The following ACYP2 variants were observed in gnomAD, a reference collection of about 807,000 sequenced individuals.
ACYP2 encodes acylphosphatase 2.
ACYP2 carries 12 observed loss-of-function variants against 11.2 expected under a neutral mutation model. That is an observed-to-expected ratio of 1.08 (90% CI 0.69 to 1.74). ACYP2 has a LOEUF of 1.74. Among genes scored for constraint, ACYP2 ranks in the 40% most tolerant of loss-of-function variants. ACYP2 has a pLI of 0.00. For missense variants in ACYP2, 134 were observed against 101.9 expected (o/e 1.31, Z -1.35); for synonymous variants, 43 against 32.2 (o/e 1.33, Z -1.13).
chr2:54,214,013 G>A (rs1308741562), intron 6 of ACYP2, among the ~76,000 whole-genome samples: 1 of 152,040 alleles, frequency 6.6e-6, no homozygotes, highest in Admixed American at 6.6e-5. Context: ...TACCACCTCA[G>A]CCTCCTGAAG....
At chr2:54,133,478 A>G (rs943642339) in intron 4 of ACYP2, among the ~76,000 whole-genome samples, 1 of 152,130 alleles carries the variant, frequency 6.6e-6, no homozygotes, top group Non-Finnish European at 1.5e-5. Flanking sequence ...CAAATTTACC[A>G]TGTGTTCTAG....
At chr2:54,129,934 A>C (rs1680801152) in intron 4 of ACYP2, among the ~76,000 whole-genome samples, 2 of 148,936 alleles carry the variant, frequency 1.3e-5, no homozygotes, top group South Asian at 4.2e-4. Context: ...GATATATAAA[A>C]ATTTATATGA....
At chr2:54,296,899 A>G (rs1459316940) in intron 6 of ACYP2, among the ~76,000 whole-genome samples, 1 of 152,200 alleles carries the variant, frequency 6.6e-6, no homozygotes, top group East Asian at 1.9e-4. Context: ...CTTCTTAAAT[A>G]GAAATACCTG....
chr2:54,012,090 G>C (rs910245808), intron 2 of ACYP2, among the ~76,000 whole-genome samples: 1 of 152,108 alleles, frequency 6.6e-6, no homozygotes, highest in African/African-American at 2.4e-5. Context: ...ACAAAAATTA[G>C]CCAGGCGTGG....
chr2:54,260,991 C>T (rs1253813904), intron 6 of ACYP2, among the ~76,000 whole-genome samples: 6 of 152,080 alleles, frequency 3.9e-5, no homozygotes, highest in African/African-American at 9.7e-5. Context: ...ATTCTAGGGC[C>T]AAGGTATATC....
At chr2:54,066,249 G>A (rs1332662427) in intron 4 of ACYP2, among the ~76,000 whole-genome samples, 1 of 152,112 alleles carries the variant, frequency 6.6e-6, no homozygotes, top group Non-Finnish European at 1.5e-5. Context: ...GTGATCTGAT[G>A]GTTTAGAAGT....
intron 6 of ACYP2, among the ~76,000 whole-genome samples, chr2:54,153,822 A>G (rs111810418): frequency 7.9e-5 from 12 of 151,980 alleles, no homozygotes; most frequent in African/African-American, 2.9e-4. Flanking sequence ...GAATGGTCTC[A>G]ATCTCCTGAC....
At chr2:54,095,489 A>T (rs1678485696) in intron 4 of ACYP2, among the ~76,000 whole-genome samples, 1 of 149,536 alleles carries the variant, frequency 6.7e-6, no homozygotes, top group Non-Finnish European at 1.5e-5. Flanking sequence ...CACCTCCCGG[A>T]CGGGGCGGCT....
chr2:54,218,742 G>GT (rs1685663032), intron 6 of ACYP2, among the ~76,000 whole-genome samples: 1 of 152,108 alleles, frequency 6.6e-6, no homozygotes, highest in Non-Finnish European at 1.5e-5. Context: ...TCCTTAACAT[G>GT]TAGCTTTTGT....
rs1178182724 is a variant in ACYP2, at chr2:54,072,850, G to A, written c.277+15490G>A. 2.6e-5 allele frequency among the ~76,000 whole-genome samples: 4 copies of A among 152,018 alleles called. No individual in the cohort carries two copies. In the East Asian group the frequency reaches 7.7e-4, roughly 29 times the overall value. ...AGTGCTAGGATTACAGACGTGAGCT[G>A]CCAAGCCCAGCCCCCAGCTACCTTT... On this transcript the variant is annotated intron_variant, in intron 4 of 6. Transcript: ENST00000607452.
intron 6 of ACYP2, among the ~76,000 whole-genome samples, chr2:54,169,886 C>T (rs1157258510): frequency 6.6e-6 from 1 of 152,102 alleles, no homozygotes; most frequent in African/African-American, 2.4e-5. Context: ...TTTGAGTATT[C>T]CTCCTAATTT....
At chr2:54,018,392 A>C (rs185999770) in intron 2 of ACYP2, among the ~76,000 whole-genome samples, 1 of 152,236 alleles carries the variant, frequency 6.6e-6, no homozygotes, top group South Asian at 2.1e-4. Context: ...AAAGAACCCA[A>C]TGAACACAAA....
At chr2:54,080,772 G>A (rs1462085583) in intron 4 of ACYP2, among the ~76,000 whole-genome samples, 1 of 151,902 alleles carries the variant, frequency 6.6e-6, no homozygotes, top group African/African-American at 2.4e-5. Flanking sequence ...ACAGGCATGA[G>A]CCACCGTGCC....
At chr2:54,302,105 C>G (rs922084640) in intron 6 of ACYP2, among the ~76,000 whole-genome samples, 17 of 152,224 alleles carry the variant, frequency 1.1e-4, no homozygotes, top group African/African-American at 4.1e-4. Flanking sequence ...GGTATCTCAA[C>G]TAGGTCAATA....
chr2:54,187,186 T>G (rs1296592252), intron 6 of ACYP2, among the ~76,000 whole-genome samples: 2 of 152,154 alleles, frequency 1.3e-5, no homozygotes, highest in Admixed American at 1.3e-4. Flanking sequence ...TTCCCCCTTC[T>G]GAAGGACAGA....
chr2:54,258,230 G>A (rs1279876251), intron 6 of ACYP2, among the ~76,000 whole-genome samples: 1 of 151,326 alleles, frequency 6.6e-6, no homozygotes, highest in Non-Finnish European at 1.5e-5. Context: ...GGGGTAGGGA[G>A]TGGGGAGGAG....
At chr2:54,123,931 T>C (rs1411930291) in intron 4 of ACYP2, among the ~76,000 whole-genome samples, 1 of 152,162 alleles carries the variant, frequency 6.6e-6, no homozygotes, top group Non-Finnish European at 1.5e-5. Context: ...AACTGGCACA[T>C]TGCTGCCCCA....
At chr2:53,979,838 C>T (rs1340129709) in intron 2 of ACYP2, among the ~76,000 whole-genome samples, 1 of 151,508 alleles carries the variant, frequency 6.6e-6, no homozygotes, top group East Asian at 2.0e-4. Context: ...GGATTAGAGG[C>T]TTGTGCCACC....
intron 4 of ACYP2, among the ~76,000 whole-genome samples, chr2:54,134,045 C>A (rs1055099914): frequency 5.6e-4 from 85 of 152,300 alleles, no homozygotes; most frequent in African/African-American, 2.0e-3. Context: ...TGATACTTCC[C>A]AGCCTACATG....
Sources: allele counts gnomAD v4.1 joint callset (sites outside exome capture counted in the v4.1 genomes callset), GRCh38; gene constraint gnomAD v4.1.1; transcripts MANE v1.5; gene names NCBI Gene and HGNC (gene_info 2026-07-23, HGNC 2026-07-21).